Variants in MTMR7 observed in about 807,000 individuals in gnomAD.
MTMR7 encodes the protein myotubularin related protein 7.
Under a neutral mutation model 81.2 loss-of-function variants are expected in MTMR7, and 76 were observed. The ratio of observed to expected loss-of-function variants is 0.94; its 90% CI spans 0.78 to 1.13. MTMR7 has a LOEUF of 1.13. MTMR7 is among the 50% of genes most tolerant of loss of function. The pLI is 0.00. For missense variants in MTMR7, 1,044 were observed against 820.0 expected (o/e 1.27, Z -3.34); for synonymous variants, 372 against 289.8 (o/e 1.28, Z -2.88).
chr8:17,399,719 G>A (rs1159294528), intron 1 of MTMR7, among the ~76,000 whole-genome samples: 1 of 151,732 alleles, frequency 6.6e-6, no homozygotes, highest in Non-Finnish European at 1.5e-5. Context: ...TTACCTGAAA[G>A]GAAATCAGTA....
intron 6 of MTMR7, among the ~76,000 whole-genome samples, chr8:17,332,743 T>C (rs1008723631): frequency 6.6e-6 from 1 of 152,364 alleles, no homozygotes; most frequent in East Asian, 1.9e-4. Context: ...AGACTTGGCA[T>C]TGGCCCATGA....
At chr8:17,325,726 G>A (rs552792477) in intron 7 of MTMR7, among the ~76,000 whole-genome samples, 11 of 152,210 alleles carry the variant, frequency 7.2e-5, no homozygotes, top group African/African-American at 1.9e-4. Flanking sequence ...TTTGATGAAC[G>A]TGCGCTGATT....
Position 17,331,018 on chromosome 8 carries a change from C to T in MTMR7, c.865+132G>A, listed in dbSNP as rs569140572. The T allele has an allele frequency of 3.6e-5, 39 of 1,081,754 alleles. No individual in the cohort carries two copies. The African/African-American group carries it at 4.5e-4, about 13-fold the overall frequency. 67.0% of individuals were successfully genotyped at this position (1,081,754 alleles called of 1,614,324 possible). A position where few individuals can be genotyped will look rare whatever the true frequency, so the allele number is the denominator to read the frequency against. On this transcript the variant is annotated intron_variant, in intron 7 of 13. Coordinates refer to ENST00000180173, the MANE Select transcript of MTMR7 (RefSeq NM_004686.5). ...AAACGTTCTTAAGTGTTTAAAAAGC[C>T]ACTGTAACATGATATTCTTCCCAAA...
chr8:17,409,555 C>T (rs1302028605), intron 1 of MTMR7, among the ~76,000 whole-genome samples: 2 of 152,126 alleles, frequency 1.3e-5, no homozygotes, highest in Non-Finnish European at 2.9e-5. Flanking sequence ...TTAGTTGGTC[C>T]CAAGCACTGT....
intron 6 of MTMR7, 117 bp downstream of exon 6, chr8:17,341,246 G>T: frequency 2.2e-6 from 3 of 1,380,684 alleles, no homozygotes; most frequent in Non-Finnish European, 2.0e-6. Flanking sequence ...ATGCCAAGAG[G>T]AACCGCCCCT....
At position 17,298,561 on chromosome 8, in the gene MTMR7, T is replaced by C. The variant is rs987217720; in HGVS notation, c.*1301A>G. On this transcript the variant is annotated 3_prime_UTR_variant, in exon 14 of 14. Transcript: ENST00000180173. ...TTCTCCCATTAAAAAAAATCAGATA[T>C]TCAAAATATTGATGTAAATTGTAAA... is the stretch of plus-strand genomic sequence containing the variant. 1 of 152,538 alleles carries C rather than the reference T, an allele frequency of 6.6e-6. No individual in the cohort carries two copies. The highest frequency in any genetic ancestry group is 1.5e-5 in the Non-Finnish European group (1 of 67,966). 9.4% of individuals were successfully genotyped at this position (152,538 alleles called of 1,614,324 possible).
chr8:17,314,767 C>A (rs1019007154), intron 7 of MTMR7, among the ~76,000 whole-genome samples: 1 of 152,180 alleles, frequency 6.6e-6, no homozygotes, highest in Non-Finnish European at 1.5e-5. Flanking sequence ...TTCCAAATGC[C>A]TGCCCTGAGC....
In MTMR7 at chr8:17,376,384, ATGC is replaced by A. The variant is rs1820588566; in HGVS notation, c.25-3147_25-3145del. On this transcript the variant is annotated intron_variant, in intron 1 of 13. Transcript: ENST00000180173. ...ATCTACCTTTTGACTACCAGGAATAATGCTGCTATGTACTTTTGAGCATAAGTT... is the reference window on the plus strand; with the variant it reads ...ATCTACCTTTTGACTACCAGGAATAATGCTATGTACTTTTGAGCATAAGTT... Among the ~76,000 whole-genome samples the A allele has an allele frequency of 2.6e-5, 4 of 152,242 alleles. No homozygotes were observed. The South Asian group carries it at 8.3e-4, about 32-fold the overall frequency.
chr8:17,404,991 A>T (rs989537099), intron 1 of MTMR7, among the ~76,000 whole-genome samples: 1 of 152,138 alleles, frequency 6.6e-6, no homozygotes, highest in Non-Finnish European at 1.5e-5. Context: ...ATGACTGGCT[A>T]ATTTTTGTAT....
rs1186677794 is a variant in MTMR7 at position 17,297,704 on chromosome 8, T to TTTGA, written c.*2154_*2157dup. The TTTGA allele has an allele frequency of 2.0e-5, 3 of 152,072 alleles. No individual in the cohort carries two copies. The highest frequency in any genetic ancestry group is 4.4e-5 in the Non-Finnish European group (3 of 67,938). The allele number at this position is 152,072 out of a possible 1,614,324, so 9.4% of individuals were successfully genotyped here. A position where few individuals can be genotyped will look rare whatever the true frequency, so the allele number is the denominator to read the frequency against. ...TCAATAAAACACTTCCTGATTAATG[T>TTTGA]TTGATTATTAGATATTTTAGTCTTG... On this transcript the variant is annotated 3_prime_UTR_variant, in exon 14 of 14. Transcript: ENST00000180173.
chr8:17,330,311 C>G lies in MTMR7; in HGVS notation c.865+839G>C, dbSNP rs761523955. Among the ~76,000 whole-genome samples, 6 of 152,330 alleles carry G rather than the reference C, an allele frequency of 3.9e-5. No homozygotes were observed. In the East Asian group the frequency reaches 7.7e-4, roughly 20 times the overall value. ...CAAGACAGCCCACTTCCCGGGCTCC[C>G]AGCTCCAGCTCTCCAGGGCTTTCCC... On this transcript the variant is annotated intron_variant, in intron 7 of 13. Transcript: ENST00000180173.
intron 1 of MTMR7, among the ~76,000 whole-genome samples, chr8:17,410,756 G>A (rs1821715278): frequency 6.6e-6 from 1 of 152,194 alleles, no homozygotes; most frequent in Admixed American, 6.6e-5. Context: ...AGAGACTAAA[G>A]CAGAACACAG....
chr8:17,412,153 TAA>T (rs1054356589), intron 1 of MTMR7, among the ~76,000 whole-genome samples: 9 of 152,224 alleles, frequency 5.9e-5, no homozygotes, highest in Non-Finnish European at 1.3e-4. Context: ...TCCAGCAAAC[TAA>T]AAGATTTCTT....
At chr8:17,409,552 G>C (rs1821684575) in intron 1 of MTMR7, among the ~76,000 whole-genome samples, 1 of 152,154 alleles carries the variant, frequency 6.6e-6, no homozygotes, top group Admixed American at 6.5e-5. Flanking sequence ...TGCTTAGTTG[G>C]TCCCAAGCAC....
At chr8:17,319,065 G>T (rs1483423692) in intron 7 of MTMR7, among the ~76,000 whole-genome samples, 1 of 152,192 alleles carries the variant, frequency 6.6e-6, no homozygotes, top group East Asian at 1.9e-4. Flanking sequence ...GTTTAACTTA[G>T]ATTTTAGTAT....
chr8:17,341,211 C>G, intron 6 of MTMR7, 152 bp downstream of exon 6: 5 of 935,790 alleles, frequency 5.3e-6, no homozygotes, highest in Non-Finnish European at 7.9e-6. Flanking sequence ...CAGGAAGTAG[C>G]CAGCAGGGTG....
Position 17,313,285 on chromosome 8 carries a change from T to G in MTMR7, c.975+7A>C. 1 of 1,598,718 alleles carries G rather than the reference T, an allele frequency of 6.3e-7. No individual in the cohort carries two copies. Among genetic ancestry groups the G allele is most frequent in the Non-Finnish European group, 8.6e-7 (1 of 1,167,186 alleles). On this transcript the variant is annotated splice_region_variant and intron_variant, in intron 8 of 13. Coordinates refer to ENST00000180173, the MANE Select transcript of MTMR7 (RefSeq NM_004686.5). ...TCCCTTAATTTATTTTCTCTGCAAT[T>G]GCATACCTTTGCAATGAAGATTCCT...
At chr8:17,316,862 G>A (rs1170965047) in intron 7 of MTMR7, among the ~76,000 whole-genome samples, 2 of 152,062 alleles carry the variant, frequency 1.3e-5, no homozygotes, top group African/African-American at 2.4e-5. Context: ...AATCTATGGG[G>A]GCTGGGGTGG....
chr8:17,360,823 G>A (rs183680794), intron 4 of MTMR7, among the ~76,000 whole-genome samples: 73 of 152,202 alleles, frequency 4.8e-4, no homozygotes, highest in African/African-American at 1.6e-3. Context: ...ATCCAGGCCA[G>A]CTCTCCCACC....
Sources: gnomAD v4.1 joint callset for allele counts (sites outside exome capture counted in the v4.1 genomes callset) on GRCh38, gnomAD v4.1.1 for gene constraint, MANE v1.5 for transcripts, NCBI Gene and HGNC (gene_info 2026-07-23, HGNC 2026-07-21) for gene names.